SAE1: variants seen among roughly 807,000 people sequenced by gnomAD.
The protein encoded by SAE1 is SUMO1 activating enzyme subunit 1.
A neutral mutation model predicts 40.6 loss-of-function variants in SAE1; 11 were observed. That is an observed-to-expected ratio of 0.27 (90% confidence interval 0.17 to 0.45). The LOEUF is 0.45. Among genes scored for constraint, SAE1 ranks in the 20% least tolerant of loss-of-function variants. The pLI is 1.00. For missense variants in SAE1, 373 were observed against 427.3 expected (o/e 0.87, Z 1.12); for synonymous variants, 155 against 154.3 (o/e 1.00, Z -0.03).
chr19:47,201,050 AT>A (rs935902061), intron 7 of SAE1, among the ~76,000 whole-genome samples: 2 of 143,094 alleles, frequency 1.4e-5, no homozygotes. Flanking sequence ...TATTTTTTTT[AT>A]TTTTTTTTGA....
chr19:47,146,695 C>T (rs899241566), intron 2 of SAE1, among the ~76,000 whole-genome samples: 1 of 152,114 alleles, frequency 6.6e-6, no homozygotes, highest in African/African-American at 2.4e-5. Flanking sequence ...CCATCCAAGG[C>T]CCCAGTAGTT....
intron 6 of SAE1, among the ~76,000 whole-genome samples, chr19:47,179,738 T>C (rs946044314): frequency 8.5e-5 from 13 of 152,122 alleles, no homozygotes; most frequent in Non-Finnish European, 1.6e-4. Context: ...CTGATTTTGG[T>C]ATTATTTGTA....
intron 6 of SAE1, among the ~76,000 whole-genome samples, chr19:47,175,242 G>C (rs765200394): frequency 1.3e-5 from 2 of 148,494 alleles, no homozygotes; most frequent in Non-Finnish European, 3.0e-5. Context: ...TTGTTTCCAT[G>C]TTCCTGGCAC....
At chr19:47,202,286 A>G (rs2058659909) in intron 7 of SAE1, among the ~76,000 whole-genome samples, 1 of 151,752 alleles carries the variant, frequency 6.6e-6, no homozygotes, top group African/African-American at 2.4e-5. Context: ...AATTATACCT[A>G]TTTATTTATT....
At chr19:47,168,520 C>G (rs529650744) in intron 5 of SAE1, among the ~76,000 whole-genome samples, 1 of 152,110 alleles carries the variant, frequency 6.6e-6, no homozygotes, top group Non-Finnish European at 1.5e-5. Context: ...TATTTGACTC[C>G]TGGACTCAGG....
At chr19:47,207,606 GACC>G (rs899415896) in intron 8 of SAE1, among the ~76,000 whole-genome samples, 30 of 152,236 alleles carry the variant, frequency 2.0e-4, no homozygotes, top group African/African-American at 7.2e-4. Context: ...TTCGGGGGCT[GACC>G]CTGCCTCAAA....
At position 47,203,593 on chromosome 19, in the gene SAE1, T is replaced by C. The variant is rs545072924; in HGVS notation, c.879-78T>C. The stretch of plus-strand genomic sequence containing the variant: ...GAAGTTGTTTTTATTCAGGAGAGCC[T>C]ACTACTGAATTTCTCCAGATGTCAT... On this transcript the variant is annotated intron_variant, in intron 7 of 8. Transcript: ENST00000270225. The C allele has an allele frequency of 3.4e-4, 447 of 1,300,420 alleles. 8 individuals carry two copies. In the South Asian group the frequency reaches 5.2e-3, roughly 15 times the overall value. The allele number at this position is 1,300,420 out of a possible 1,614,324, so 80.6% of individuals were successfully genotyped here.
intron 6 of SAE1, among the ~76,000 whole-genome samples, chr19:47,174,293 CTTTTTCT>C (rs2058454328): frequency 6.9e-6 from 1 of 144,042 alleles, no homozygotes; most frequent in African/African-American, 2.5e-5. Flanking sequence ...TTTCTTTTTT[CTTTTTCT>C]TTTTTTTTTT....
rs916922716 is a variant in SAE1 at position 47,152,505 on chromosome 19, A to G, written c.385-393A>G. Among the ~76,000 whole-genome samples the G allele has an allele frequency of 2.0e-5, 3 of 152,222 alleles. No homozygotes were observed. The East Asian group carries it at 5.8e-4, about 29-fold the overall frequency. ...CATGACCTTTGGGTCAATTTAAAAAACTGGTTTTGCTTGTCCCTGTAGCTT... is the reference window on the plus strand; with the variant it reads ...CATGACCTTTGGGTCAATTTAAAAAGCTGGTTTTGCTTGTCCCTGTAGCTT... On this transcript the variant is annotated intron_variant, in intron 3 of 8. Coordinates refer to ENST00000270225, the MANE Select transcript of SAE1 (RefSeq NM_005500.3).
chr19:47,188,176 T>C (rs1052041855), intron 6 of SAE1, among the ~76,000 whole-genome samples: 7 of 151,682 alleles, frequency 4.6e-5, no homozygotes, highest in Non-Finnish European at 8.8e-5. Context: ...TGGTGAGACC[T>C]CGTCTCTACA....
chr19:47,188,899 G>A, intron 6 of SAE1, among the ~76,000 whole-genome samples: 1 of 148,050 alleles, frequency 6.8e-6, no homozygotes, highest in Non-Finnish European at 1.5e-5. Flanking sequence ...ACTGTGGAGG[G>A]CCTGGTCACT....
intron 6 of SAE1, among the ~76,000 whole-genome samples, chr19:47,181,281 A>T (rs969651591): frequency 1.3e-5 from 2 of 151,938 alleles, no homozygotes; most frequent in African/African-American, 4.8e-5. Context: ...GCGCCATTGC[A>T]CTCCAGCTTG....
At chr19:47,138,188 C>T (rs998890521) in intron 1 of SAE1, among the ~76,000 whole-genome samples, 4 of 152,136 alleles carry the variant, frequency 2.6e-5, no homozygotes, top group East Asian at 1.9e-4. Context: ...GGATTACAGG[C>T]GCCTGCTACC....
chr19:47,149,943 T>G (rs1471399299), intron 2 of SAE1, among the ~76,000 whole-genome samples: 1 of 151,640 alleles, frequency 6.6e-6, no homozygotes, highest in Non-Finnish European at 1.5e-5. Flanking sequence ...GTTGTGGTGG[T>G]GCGTGCTTGT....
intron 1 of SAE1, among the ~76,000 whole-genome samples, chr19:47,142,108 G>T (rs1383403009): frequency 6.6e-6 from 1 of 152,146 alleles, no homozygotes; most frequent in Non-Finnish European, 1.5e-5. Context: ...ACAAGGCTGG[G>T]CACGGTGGCT....
In SAE1 at chr19:47,169,905, G is replaced by A. The variant is rs1424612954; in HGVS notation, c.715G>A (p.Asp239Asn). 3.7e-6 allele frequency: 6 copies of A among 1,613,538 alleles called. No homozygotes were observed. The East Asian group carries it at 6.7e-5, about 18-fold the overall frequency. The change falls in exon 6 of 9, where the codon GAC (aspartate) becomes AAC (asparagine). Residue 239 changes from aspartate (D) to asparagine (N), a missense_variant. Around this residue, in one of 3 missense-constraint regions of SAE1, gnomAD observed 351 missense variants for 390.6 expected, o/e 0.90. Transcript: ENST00000270225. ...GGCTGCTCTGAAGCGCACGACCTCC[G>A]ACTACTTTCTCCTTCAAGGTGAGGT... ...AKAALKRTTS[D>N]YFLLQVLLKF...
chr19:47,208,702 G>A (rs2058698013), intron 8 of SAE1, among the ~76,000 whole-genome samples: 1 of 152,186 alleles, frequency 6.6e-6, no homozygotes, highest in Non-Finnish European at 1.5e-5. Context: ...TGGGATTACA[G>A]GCGTGAGCCA....
intron 6 of SAE1, among the ~76,000 whole-genome samples, chr19:47,194,156 C>G (rs1340757969): frequency 6.6e-6 from 1 of 152,180 alleles, no homozygotes; most frequent in African/African-American, 2.4e-5. Flanking sequence ...ATGCAGAGAC[C>G]AAGATTCACT....
rs895188961 is a variant in SAE1 at position 47,130,845 on chromosome 19, T to G, written c.-86T>G. 19 of 1,540,610 alleles carry G rather than the reference T, an allele frequency of 1.2e-5. No homozygotes were observed. The highest frequency in any genetic ancestry group is 2.0e-5 in the Admixed American group (1 of 49,782). ...CGCATGCGCAGAAGCACTCCGGGCG[T>G]GCTGCCGGCGGCGGTAGGTGGCGCG... On this transcript the variant is annotated 5_prime_UTR_variant, in exon 1 of 9. Coordinates refer to ENST00000270225, the MANE Select transcript of SAE1 (RefSeq NM_005500.3).
Sources: allele counts gnomAD v4.1 joint callset (sites outside exome capture counted in the v4.1 genomes callset), GRCh38; gene constraint gnomAD v4.1.1; regional missense constraint gnomAD v4.1.1; transcripts MANE v1.5; gene names NCBI Gene and HGNC (gene_info 2026-07-23, HGNC 2026-07-21).